PDE1A: variants seen among roughly 807,000 people sequenced by gnomAD.
The protein encoded by PDE1A is dual specificity calcium/calmodulin-dependent 3',5'-cyclic nucleotide phosphodiesterase 1A.
PDE1A carries 35 observed loss-of-function variants against 61.7 expected under a neutral mutation model. The ratio of observed to expected loss-of-function variants is 0.57; its 90% confidence interval spans 0.43 to 0.75. The LOEUF is 0.75. Among genes scored for constraint, PDE1A ranks in the 30% least tolerant of loss-of-function variants. PDE1A has a pLI of 0.00. For missense variants in PDE1A, 597 were observed against 630.6 expected (o/e 0.95, Z 0.57); for synonymous variants, 232 against 213.2 (o/e 1.09, Z -0.77).
chr2:182,179,390 T>G (rs1684552091), intron 13 of PDE1A, among the ~76,000 whole-genome samples: 1 of 152,174 alleles, frequency 6.6e-6, no homozygotes, highest in African/African-American at 2.4e-5. Flanking sequence ...CACAAAGGAA[T>G]GTATATGGCA....
At chr2:182,622,553 A>G in the PDE1A span, among the ~76,000 whole-genome samples, 1 of 152,196 alleles carries the variant, frequency 6.6e-6, no homozygotes, top group Non-Finnish European at 1.5e-5. Context: ...TTTTTGCCAT[A>G]AAGAAAAATA....
intron 7 of PDE1A, among the ~76,000 whole-genome samples, chr2:182,223,444 T>C (rs571676230): frequency 2.0e-5 from 3 of 152,008 alleles, no homozygotes; most frequent in Non-Finnish European, 4.4e-5. Context: ...ATACTTCATG[T>C]TGGCCTGAAA....
chr2:182,631,353 C>A, the PDE1A span, among the ~76,000 whole-genome samples: 57 of 151,936 alleles, frequency 3.8e-4, no homozygotes, highest in Non-Finnish European at 6.2e-4. Flanking sequence ...TACATGTGCA[C>A]AATGTGCAGG....
intron 10 of PDE1A, among the ~76,000 whole-genome samples, chr2:182,200,031 G>T (rs1007916373): frequency 6.6e-6 from 1 of 152,108 alleles, no homozygotes; most frequent in African/African-American, 2.4e-5. Flanking sequence ...AATATATTTG[G>T]TGTTTATATC....
chr2:182,284,640 C>A (rs1190290623), intron 1 of PDE1A, among the ~76,000 whole-genome samples: 2 of 151,928 alleles, frequency 1.3e-5, no homozygotes, highest in South Asian at 4.1e-4. Context: ...CAGATTTCTC[C>A]CATTTACCTA....
chr2:182,415,706 A>G (rs1203514250), intron 1 of PDE1A, among the ~76,000 whole-genome samples: 1 of 152,190 alleles, frequency 6.6e-6, no homozygotes, highest in Non-Finnish European at 1.5e-5. Flanking sequence ...GTGATATGTT[A>G]AATCTATATT....
chr2:182,309,204 T>C (rs1394710014), intron 1 of PDE1A, among the ~76,000 whole-genome samples: 1 of 152,068 alleles, frequency 6.6e-6, no homozygotes, highest in African/African-American at 2.4e-5. Context: ...ACTTATTAAC[T>C]ATCCCTTTAT....
At chr2:182,147,427 T>A (rs927911714) in intron 13 of PDE1A, among the ~76,000 whole-genome samples, 1 of 152,228 alleles carries the variant, frequency 6.6e-6, no homozygotes, top group African/African-American at 2.4e-5. Context: ...TTTAAACATC[T>A]ATTAAATCCC....
chr2:182,440,149 C>T (rs144032465), intron 2 of PDE1A, among the ~76,000 whole-genome samples: 4 of 152,138 alleles, frequency 2.6e-5, no homozygotes, highest in Non-Finnish European at 4.4e-5. Context: ...TTTCCAGAAT[C>T]CCAGTGCTCT....
At chr2:182,671,621 CTTTTTTT>C in the PDE1A span, among the ~76,000 whole-genome samples, 4 of 124,290 alleles carry the variant, frequency 3.2e-5, no homozygotes, top group East Asian at 9.5e-4. Flanking sequence ...CTTTCTTTTT[CTTTTTTT>C]TTTTTTTTTT....
intron 1 of PDE1A, among the ~76,000 whole-genome samples, chr2:182,385,941 G>A (rs961831715): frequency 3.9e-5 from 6 of 151,972 alleles, no homozygotes; most frequent in African/African-American, 1.4e-4. Context: ...TGCCATCTCG[G>A]CTCACTGCAA....
At chr2:182,410,492 C>G (rs1359461736) in intron 1 of PDE1A, among the ~76,000 whole-genome samples, 4 of 152,002 alleles carry the variant, frequency 2.6e-5, no homozygotes, top group African/African-American at 4.8e-5. Flanking sequence ...CCAACTATAA[C>G]AATAATAAGC....
the PDE1A span, among the ~76,000 whole-genome samples, chr2:182,568,660 G>T: frequency 1.3e-5 from 2 of 152,038 alleles, no homozygotes; most frequent in African/African-American, 4.8e-5. Flanking sequence ...GTGAGACGCC[G>T]TCTCAAAAAA....
exon 7 of PDE1A, chr2:182,223,881 G>C (rs1276337819): frequency 1.3e-6 from 2 of 1,582,804 alleles, no homozygotes; most frequent in Admixed American, 1.8e-5. Context: ...GAATGTGAAA[G>C]TTGTTTGTTG....
the PDE1A span, among the ~76,000 whole-genome samples, chr2:182,563,266 C>T: frequency 3.3e-5 from 5 of 152,078 alleles, no homozygotes; most frequent in East Asian, 1.9e-4. Flanking sequence ...CCTTTGTTCT[C>T]GTTGGTTTCA....
chr2:182,694,020 T>TGTCTCTATCTTTGGTA, the PDE1A span, among the ~76,000 whole-genome samples: 1 of 152,222 alleles, frequency 6.6e-6, no homozygotes, highest in Non-Finnish European at 1.5e-5. Context: ...CTTCTTTGGT[T>TGTCTCTATCTTTGGTA]GTTTCTATCT....
intron 1 of PDE1A, among the ~76,000 whole-genome samples, chr2:182,363,643 T>G (rs529049234): frequency 6.6e-6 from 1 of 152,118 alleles, no homozygotes; most frequent in African/African-American, 2.4e-5. Flanking sequence ...GAGTGAAAAT[T>G]TATTGCAGCT....
At chr2:182,535,534 A>G in the PDE1A span, among the ~76,000 whole-genome samples, 17 of 152,184 alleles carry the variant, frequency 1.1e-4, no homozygotes, top group African/African-American at 4.1e-4. Context: ...TTTCTATCCA[A>G]TTAACTTATT....
intron 1 of PDE1A, among the ~76,000 whole-genome samples, chr2:182,277,897 T>C (rs140949319): frequency 1.1e-4 from 16 of 152,116 alleles, no homozygotes; most frequent in Non-Finnish European, 2.2e-4. Context: ...ACACTGTCAC[T>C]TGGTCTTATC....
Sources: gnomAD v4.1 joint callset for allele counts (sites outside exome capture counted in the v4.1 genomes callset) on GRCh38, gnomAD v4.1.1 for gene constraint, MANE v1.5 for transcripts, NCBI Gene and HGNC (gene_info 2026-07-23, HGNC 2026-07-21) for gene names.